Variants in PIAS2 observed in about 807,000 individuals in gnomAD.
PIAS2 encodes the protein protein inhibitor of activated STAT 2.
In PIAS2, 19 loss-of-function variants were observed where a neutral mutation model predicts 69.7. That is an observed-to-expected ratio of 0.27 (90% CI 0.19 to 0.40). The LOEUF (loss-of-function observed/expected upper bound fraction) is 0.40. PIAS2 is among the 10% of genes least tolerant of loss of function. The pLI, the probability that PIAS2 is intolerant of heterozygous loss-of-function variation, is 1.00. For synonymous variants in PIAS2, 261 were observed against 263.2 expected, an observed-to-expected ratio of 0.99 and a Z score of 0.08; for missense variants, 624 against 757.0, an observed-to-expected ratio of 0.82 and a Z score of 2.06.
intron 2 of PIAS2, among the ~76,000 whole-genome samples, chr18:46,867,097 T>C (rs1230671061): frequency 6.6e-6 from 1 of 152,164 alleles, no homozygotes; most frequent in Non-Finnish European, 1.5e-5. Context: ...GCAATATATA[T>C]GTACAATTTA....
chr18:46,818,322 T>G, intron 12 of PIAS2: 1 of 1,446,386 alleles, frequency 6.9e-7, no homozygotes, highest in East Asian at 2.7e-5. Flanking sequence ...ATATTTTTCC[T>G]TGAAATAAGC....
chr18:46,806,353 C>CTTTTTTTTTTTTTTTTTTTT lies in PIAS2; in HGVS notation c.*6060_*6079dup, dbSNP rs869187746. 3.2e-4 allele frequency: 19 copies of CTTTTTTTTTTTTTTTTTTTT among 60,206 alleles called. 7 individuals carry two copies. Among genetic ancestry groups the CTTTTTTTTTTTTTTTTTTTT allele is most frequent in the Admixed American group, 4.8e-4 (2 of 4,180 alleles). The allele number at this position is 60,206 out of a possible 1,614,324, so 3.7% of individuals were successfully genotyped here. Reference sequence around the variant, plus strand: ...AAAATTCTTTGCACAATGCCTGTTACTTTTTTTTTTTTTTTTTTTTTTTTT... The same window carrying CTTTTTTTTTTTTTTTTTTTT: ...AAAATTCTTTGCACAATGCCTGTTACTTTTTTTTTTTTTTTTTTTTTTTTTTTTTTTTTTTTTTTTTTTTT... On this transcript the variant is annotated 3_prime_UTR_variant, in exon 14 of 14. Transcript: ENST00000585916.
chr18:46,808,994 G>A lies in PIAS2; in HGVS notation c.*3439C>T, dbSNP rs753603435. On this transcript the variant is annotated 3_prime_UTR_variant, in exon 14 of 14. Transcript: ENST00000585916. ...AAGACAACTTGGCTGGAAATGCTGAGTGTCTTGGACTGGTCTGAAGGAAGA... is the reference window on the plus strand; with the variant it reads ...AAGACAACTTGGCTGGAAATGCTGAATGTCTTGGACTGGTCTGAAGGAAGA... 16 of 152,136 alleles carry A rather than the reference G, an allele frequency of 1.1e-4. No individual in the cohort carries two copies. Among genetic ancestry groups the A allele is most frequent in the Non-Finnish European group, 2.2e-4 (15 of 68,032 alleles). The allele number at this position is 152,136 out of a possible 1,614,324, so 9.4% of individuals were successfully genotyped here.
At chr18:46,886,751 T>C (rs915648944) in intron 2 of PIAS2, among the ~76,000 whole-genome samples, 2 of 151,974 alleles carry the variant, frequency 1.3e-5, no homozygotes, top group African/African-American at 4.8e-5. Context: ...AGAGGAGAAC[T>C]GCTTGAACCC....
chr18:46,858,434 TG>T (rs1336736759), intron 3 of PIAS2, among the ~76,000 whole-genome samples: 1 of 152,166 alleles, frequency 6.6e-6, no homozygotes, highest in African/African-American at 2.4e-5. Context: ...GGCTTGAAGC[TG>T]GGCGCAGTGG....
chr18:46,812,441 A>C lies in PIAS2; in HGVS notation c.1858T>G (p.Leu620Val). The change falls in exon 14 of 14, where the codon TTG becomes GTG. Residue 620 changes from leucine to valine, a missense_variant. Coordinates refer to ENST00000585916, the MANE Select transcript of PIAS2 (RefSeq NM_004671.5). Reference protein sequence around the residue: ...SGSNIPDIISLD With the variant: ...SGSNIPDIISVD ...ATCAAGTGAGTCCTCCTTTAGTCCA[A>C]TGAGATGATGTCAGGAATGTTACTT... 1.2e-6 allele frequency: 2 copies of C among 1,606,786 alleles called. No individual in the cohort carries two copies. Among genetic ancestry groups the C allele is most frequent in the Non-Finnish European group, 1.7e-6 (2 of 1,174,788 alleles).
intron 1 of PIAS2, among the ~76,000 whole-genome samples, chr18:46,906,774 G>T (rs1249670663): frequency 6.1e-5 from 5 of 82,038 alleles, no homozygotes; most frequent in Admixed American, 2.3e-4. Flanking sequence ...GTGTGTGTGT[G>T]GGGGGGGGGG....
chr18:46,917,171 G>A (rs1568944592), intron 1 of PIAS2, 151 bp downstream of exon 1: 29 of 1,120,678 alleles, frequency 2.6e-5, no homozygotes, highest in Non-Finnish European at 3.2e-5. Context: ...CCTCCCCCGC[G>A]CCCTCGGCGC....
At chr18:46,855,997 GTTTTTTTTTTTTTTTT>G (rs1171297653) in intron 3 of PIAS2, among the ~76,000 whole-genome samples, 3 of 67,966 alleles carry the variant, frequency 4.4e-5, no homozygotes, top group Non-Finnish European at 7.9e-5. Context: ...TTTTTCTTTT[GTTTTTTTTTTTTTTTT>G]TTTTTTTTTT....
At chr18:46,814,392 C>T (rs1343464589) in intron 13 of PIAS2, among the ~76,000 whole-genome samples, 2 of 152,124 alleles carry the variant, frequency 1.3e-5, no homozygotes, top group Admixed American at 6.6e-5. Flanking sequence ...TAGTAATCCT[C>T]ACATCTGAAG....
intron 8 of PIAS2, among the ~76,000 whole-genome samples, chr18:46,838,338 GT>G (rs1216645217): frequency 6.6e-6 from 1 of 152,158 alleles, no homozygotes; most frequent in African/African-American, 2.4e-5. Flanking sequence ...CCATCCCCAT[GT>G]TATAAATAAG....
rs1036098067 is a variant in PIAS2 at position 46,836,528 on chromosome 18, G to A, written c.1042-11C>T. ...CCTCATTTTTCCTAACTACAGGACAGGAAACACAAGGAAAACTATTTCAGA... is the reference window on the plus strand; with the variant it reads ...CCTCATTTTTCCTAACTACAGGACAAGAAACACAAGGAAAACTATTTCAGA... On this transcript the variant is annotated splice_polypyrimidine_tract_variant and intron_variant, in intron 8 of 13. Coordinates refer to ENST00000585916, the MANE Select transcript of PIAS2 (RefSeq NM_004671.5). 6 of 1,593,868 alleles carry A rather than the reference G, an allele frequency of 3.8e-6. No homozygotes were observed. Among genetic ancestry groups the A allele is most frequent in the Non-Finnish European group, 5.1e-6 (6 of 1,166,792 alleles).
intron 12 of PIAS2, among the ~76,000 whole-genome samples, chr18:46,820,124 T>C (rs903541320): frequency 6.6e-6 from 1 of 152,168 alleles, no homozygotes; most frequent in Non-Finnish European, 1.5e-5. Flanking sequence ...ACCATTCTTT[T>C]GTCCAGTGGC....
At chr18:46,897,671 A>C (rs1292116612) in intron 1 of PIAS2, among the ~76,000 whole-genome samples, 1 of 152,194 alleles carries the variant, frequency 6.6e-6, no homozygotes, top group Admixed American at 6.5e-5. Flanking sequence ...ATAAAATTCT[A>C]TTCATTCCTG....
chr18:46,831,471 GT>G (rs530643660), intron 9 of PIAS2, among the ~76,000 whole-genome samples: 3 of 152,114 alleles, frequency 2.0e-5, no homozygotes, highest in African/African-American at 7.2e-5. Flanking sequence ...ATCCCAGCAG[GT>G]TTTTTCCCCT....
chr18:46,827,371 A>G (rs1176206042), intron 11 of PIAS2: 1 of 152,170 alleles, frequency 6.6e-6, no homozygotes, highest in Non-Finnish European at 1.5e-5. Flanking sequence ...TTCAGGTAGA[A>G]TGCCATCCTA....
At chr18:46,866,571 G>T (rs1217726139) in intron 2 of PIAS2, among the ~76,000 whole-genome samples, 1 of 152,182 alleles carries the variant, frequency 6.6e-6, no homozygotes, top group African/African-American at 2.4e-5. Flanking sequence ...CTCTGGGAAT[G>T]AAAATCATAC....
intron 3 of PIAS2, among the ~76,000 whole-genome samples, chr18:46,861,435 A>G (rs2048648339): frequency 6.6e-6 from 1 of 152,266 alleles, no homozygotes; most frequent in Non-Finnish European, 1.5e-5. Flanking sequence ...GAGGAAAAAC[A>G]GAATACTAGG....
intron 10 of PIAS2, 40 bp from the exon 11 acceptor site, chr18:46,828,170 A>G (rs763504394): frequency 1.5e-5 from 23 of 1,530,378 alleles, no homozygotes; most frequent in Non-Finnish European, 1.9e-5. Context: ...AATTAAAGGT[A>G]TAACACAAAT....
Sources: allele counts gnomAD v4.1 joint callset (sites outside exome capture counted in the v4.1 genomes callset), GRCh38; gene constraint gnomAD v4.1.1; transcripts MANE v1.5; gene names NCBI Gene and HGNC (gene_info 2026-07-23, HGNC 2026-07-21).